The following RAPGEF2 variants were observed in gnomAD, a reference collection of about 807,000 sequenced individuals.
RAPGEF2 encodes Rap guanine nucleotide exchange factor 2.
In RAPGEF2, 54 loss-of-function variants were observed where a neutral mutation model predicts 186.7. That is an observed-to-expected ratio of 0.29 (90% CI 0.23 to 0.36). RAPGEF2 has a LOEUF of 0.36. RAPGEF2 is among the 10% of genes least tolerant of loss of function. The probability of loss-of-function intolerance (pLI) is 1.00; values close to 1 mark genes in which losing one functional copy is unlikely to be tolerated. For synonymous variants in RAPGEF2, 712 were observed against 705.9 expected (o/e 1.01, Z -0.14); for missense variants, 1,532 against 2,045.0 (o/e 0.75, Z 4.84).
intron 7 of RAPGEF2, among the ~76,000 whole-genome samples, chr4:159,303,140 A>G (rs1293882613): frequency 1.3e-5 from 2 of 152,170 alleles, no homozygotes; most frequent in African/African-American, 4.8e-5. Flanking sequence ...GGTCTGAATT[A>G]TTAAGGGATA....
intron 1 of RAPGEF2, among the ~76,000 whole-genome samples, chr4:159,181,891 A>T (rs1160767339): frequency 6.6e-6 from 1 of 152,200 alleles, no homozygotes; most frequent in African/African-American, 2.4e-5. Flanking sequence ...ATACAAATTC[A>T]TATTTAAACA....
intron 4 of RAPGEF2, among the ~76,000 whole-genome samples, chr4:159,220,077 A>T (rs1048494214): frequency 6.6e-6 from 1 of 152,212 alleles, no homozygotes; most frequent in Non-Finnish European, 1.5e-5. Flanking sequence ...TGGGAGTCCT[A>T]TGTGACCTAA....
intron 1 of RAPGEF2, among the ~76,000 whole-genome samples, chr4:159,116,485 G>A (rs1300275361): frequency 1.3e-5 from 2 of 152,326 alleles, no homozygotes; most frequent in Non-Finnish European, 2.9e-5. Context: ...GAAGTATTTT[G>A]TGGAAGACGG....
chr4:159,182,375 TTTC>T (rs374646752), intron 1 of RAPGEF2, among the ~76,000 whole-genome samples: 117 of 148,950 alleles, frequency 7.9e-4, no homozygotes, highest in African/African-American at 2.6e-3. Flanking sequence ...TTCCTAGTAT[TTTC>T]TTTTCTTCTT....
chr4:159,124,103 C>A (rs997621176), intron 1 of RAPGEF2, among the ~76,000 whole-genome samples: 3 of 151,900 alleles, frequency 2.0e-5, no homozygotes, highest in African/African-American at 7.3e-5. Context: ...GATCTGCCTG[C>A]CTCCATCTCC....
At chr4:159,248,220 C>G (rs9992208) in intron 7 of RAPGEF2, among the ~76,000 whole-genome samples, 51,272 of 151,862 alleles carry the variant, frequency 0.34, 9,185 homozygotes, top group Non-Finnish European at 0.4. Flanking sequence ...AGATTAGTTT[C>G]AAGCAGATTA....
chr4:159,199,628 A>C (rs987025335), intron 3 of RAPGEF2, among the ~76,000 whole-genome samples: 1 of 152,234 alleles, frequency 6.6e-6, no homozygotes, highest in Non-Finnish European at 1.5e-5. Flanking sequence ...TAGTGAATAA[A>C]AACCTGTTTA....
chr4:159,359,053 G>A lies in RAPGEF2; in HGVS notation c.*914G>A, dbSNP rs1365256330. ...ATGGAGGCAGGACGGTGTCATTGGC[G>A]GATGTGTCCTGCTCCATTGAGATGG... is the stretch of plus-strand genomic sequence containing the variant. On this transcript the variant is annotated 3_prime_UTR_variant, in exon 30 of 30. Transcript: ENST00000691494. 3 of 152,142 alleles carry A rather than the reference G, an allele frequency of 2.0e-5. No individual in the cohort carries two copies. Among genetic ancestry groups the A allele is most frequent in the Non-Finnish European group, 2.9e-5 (2 of 68,030 alleles). 9.4% of individuals were successfully genotyped at this position (152,142 alleles called of 1,614,324 possible).
intron 7 of RAPGEF2, among the ~76,000 whole-genome samples, chr4:159,287,793 G>A (rs1760700318): frequency 6.6e-6 from 1 of 152,062 alleles, no homozygotes; most frequent in South Asian, 2.1e-4. Context: ...TGATATAAAA[G>A]CAAAATCTAA....
intron 1 of RAPGEF2, among the ~76,000 whole-genome samples, chr4:159,146,535 G>A (rs1267097413): frequency 6.6e-6 from 1 of 152,094 alleles, no homozygotes; most frequent in Non-Finnish European, 1.5e-5. Context: ...TTAATCCTCA[G>A]AAGAACCTAA....
At chr4:159,147,275 A>T (rs1290675765) in intron 1 of RAPGEF2, among the ~76,000 whole-genome samples, 2 of 152,272 alleles carry the variant, frequency 1.3e-5, no homozygotes, top group Non-Finnish European at 2.9e-5. Context: ...ATAATGAATA[A>T]AGGGACAGGA....
At chr4:159,207,122 C>T (rs1201111383) in intron 3 of RAPGEF2, among the ~76,000 whole-genome samples, 4 of 152,180 alleles carry the variant, frequency 2.6e-5, no homozygotes, top group Non-Finnish European at 5.9e-5. Flanking sequence ...AAATATAACT[C>T]TTGCAAGTTA....
intron 9 of RAPGEF2, among the ~76,000 whole-genome samples, chr4:159,318,435 A>G (rs1764859189): frequency 6.6e-6 from 1 of 152,178 alleles, no homozygotes; most frequent in East Asian, 1.9e-4. Flanking sequence ...CAAAAAAGGG[A>G]CAGATTATGT....
chr4:159,342,414 G>A (rs1192302327), intron 20 of RAPGEF2, among the ~76,000 whole-genome samples: 2 of 151,266 alleles, frequency 1.3e-5, no homozygotes, highest in South Asian at 2.1e-4. Flanking sequence ...CTTAGATTGA[G>A]GTTAGAAGAA....
In RAPGEF2 at chr4:159,145,398, CAAAACATTGCCATTTGCCA is replaced by C. The variant is rs770724747; in HGVS notation, c.69+41180_69+41198del. On this transcript the variant is annotated intron_variant, in intron 1 of 29. Coordinates refer to ENST00000691494, the MANE Select transcript of RAPGEF2 (RefSeq NM_001394067.2). ...TAAATGTTATTTAACCAGTACACCC[CAAAACATTGCCATTTGCCA>C]AAAACATTGCCAAAACATGTGATCT... 2.4e-4 allele frequency among the ~76,000 whole-genome samples: 37 copies of C among 152,062 alleles called. 1 individual carries two copies. Among genetic ancestry groups the C allele is most frequent in the Admixed American group, 5.9e-4 (9 of 15,270 alleles).
chr4:159,357,261 TGA>T (rs1455055336), intron 29 of RAPGEF2, among the ~76,000 whole-genome samples: 2 of 152,214 alleles, frequency 1.3e-5, no homozygotes, highest in South Asian at 2.1e-4. Flanking sequence ...CTATGGAGGC[TGA>T]AGTGGAAGGA....
intron 1 of RAPGEF2, among the ~76,000 whole-genome samples, chr4:159,131,778 A>T (rs1447251459): frequency 6.6e-6 from 1 of 151,574 alleles, no homozygotes; most frequent in African/African-American, 2.4e-5. Flanking sequence ...AGAAACAAAG[A>T]CTTGGCATAC....
chr4:159,351,741 G>A (rs570998580), intron 26 of RAPGEF2, among the ~76,000 whole-genome samples: 2 of 152,110 alleles, frequency 1.3e-5, no homozygotes, highest in African/African-American at 2.4e-5. Context: ...CCAGGAGTTC[G>A]AGACTAGCTT....
At chr4:159,240,210 A>T (rs1207364034) in intron 5 of RAPGEF2, among the ~76,000 whole-genome samples, 1 of 152,106 alleles carries the variant, frequency 6.6e-6, no homozygotes, top group Non-Finnish European at 1.5e-5. Context: ...ATACTACACA[A>T]ACTACTAGGT....
Sources: gnomAD v4.1 joint callset for allele counts (sites outside exome capture counted in the v4.1 genomes callset) on GRCh38, gnomAD v4.1.1 for gene constraint, MANE v1.5 for transcripts, NCBI Gene and HGNC (gene_info 2026-07-23, HGNC 2026-07-21) for gene names.